Variants in KCNMA1 observed in about 807,000 individuals in gnomAD.
The protein encoded by KCNMA1 is Calcium-activated potassium channel subunit alpha-1.
KCNMA1 carries 29 observed loss-of-function variants against 140.0 expected under a neutral mutation model. That is an observed-to-expected ratio of 0.21 (90% CI 0.15 to 0.28). KCNMA1 has a LOEUF of 0.28. Ranked by LOEUF, KCNMA1 falls within the 10% of genes least tolerant of loss-of-function variation. KCNMA1 has a pLI of 1.00. For missense variants in KCNMA1, 880 were observed against 1,602.2 expected, an observed-to-expected ratio of 0.55 and a Z score of 7.70; for synonymous variants, 612 against 611.9, an observed-to-expected ratio of 1.00 and a Z score of 0.00.
chr10:77,595,277 G>A (rs2080506702), intron 1 of KCNMA1, among the ~76,000 whole-genome samples: 1 of 136,540 alleles, frequency 7.3e-6, no homozygotes, highest in African/African-American at 2.8e-5. Context: ...AACCTGGGAA[G>A]TGGAGGTTGC....
At chr10:77,555,765 A>T (rs2064152671) in intron 1 of KCNMA1, among the ~76,000 whole-genome samples, 2 of 152,122 alleles carry the variant, frequency 1.3e-5, no homozygotes, top group Admixed American at 1.3e-4. Context: ...CAGTACAGAG[A>T]CCCAAACTTA....
chr10:76,889,809 A>C (rs961948994), intron 26 of KCNMA1: 1 of 555,036 alleles, frequency 1.8e-6, no homozygotes, highest in African/African-American at 1.9e-5. Context: ...CCAGTTTTCC[A>C]CCTGTCGCAG....
rs9943320 is a variant in KCNMA1 at position 77,312,755 on chromosome 10, C to A, written c.541-61499G>T. Among the ~76,000 whole-genome samples, 413 of 152,206 alleles carry A rather than the reference C, an allele frequency of 2.7e-3. 1 individual carries two copies. Among genetic ancestry groups the A allele is most frequent in the African/African-American group, 9.4e-3 (389 of 41,518 alleles). ...CCAGTGCTAGCTTTTATGGGAGTAGCAGGGGATAGCTGAGGGCCAGGTTAG... is the reference window on the plus strand; with the variant it reads ...CCAGTGCTAGCTTTTATGGGAGTAGAAGGGGATAGCTGAGGGCCAGGTTAG... On this transcript the variant is annotated intron_variant, in intron 2 of 27. Transcript: ENST00000286628.
At position 76,887,287 on chromosome 10, in the gene KCNMA1, G is replaced by A. The variant is rs199569326; in HGVS notation, c.3690C>T (p.Tyr1230=). 9.9e-6 allele frequency: 16 copies of A among 1,614,100 alleles called. No homozygotes were observed. The highest frequency in any genetic ancestry group is 2.2e-5 in the East Asian group (1 of 44,864). The stretch of plus-strand genomic sequence containing the variant: ...CATATCAAAGCCGCTCTTCCTGCAC[G>A]TACTTCTGTTTGTCCCGGGACTCCC... ...KSRESRDKQK[Y]VQEERL The change falls in exon 28 of 28, where the codon TAC becomes TAT. Residue 1230 remains tyrosine (Y), a synonymous_variant. Coordinates refer to ENST00000286628, the MANE Select transcript of KCNMA1 (RefSeq NM_001161352.2).
At chr10:77,150,790 A>C (rs2098403789) in intron 5 of KCNMA1, among the ~76,000 whole-genome samples, 1 of 152,214 alleles carries the variant, frequency 6.6e-6, no homozygotes, top group Admixed American at 6.5e-5. Flanking sequence ...GTTTCTGGTG[A>C]TTCTAAGTAG....
At chr10:77,141,956 T>C (rs980999223) in intron 5 of KCNMA1, among the ~76,000 whole-genome samples, 4 of 152,360 alleles carry the variant, frequency 2.6e-5, no homozygotes, top group African/African-American at 4.8e-5. Flanking sequence ...TACTGGGTAT[T>C]TGCTGATTAA....
chr10:77,497,662 C>CA (rs2154544062), intron 1 of KCNMA1, among the ~76,000 whole-genome samples: 1 of 152,304 alleles, frequency 6.6e-6, no homozygotes, highest in Admixed American at 6.5e-5. Context: ...CTTAGATCAC[C>CA]AGGACAGATG....
chr10:77,403,846 G>T lies in KCNMA1; in HGVS notation c.540+16C>A, dbSNP rs762185041. ...ACAGCAAGGCCTCCTGGTGTGAGAA[G>T]TGGGTGGAGACTCACCAGGACTCTG... is the stretch of plus-strand genomic sequence containing the variant. On this transcript the variant is annotated intron_variant, in intron 2 of 27. Transcript: ENST00000286628. 15 of 1,607,112 alleles carry T rather than the reference G, an allele frequency of 9.3e-6. No individual in the cohort carries two copies. The highest frequency in any genetic ancestry group is 1.0e-5 in the Non-Finnish European group (12 of 1,175,120).
intron 25 of KCNMA1, among the ~76,000 whole-genome samples, chr10:76,891,938 A>C (rs1404580681): frequency 1.3e-5 from 2 of 151,972 alleles, no homozygotes; most frequent in African/African-American, 4.8e-5. Context: ...GACTTAAAAA[A>C]CCCAGTTCAG....
chr10:77,283,479 C>T (rs1020964416), intron 2 of KCNMA1, among the ~76,000 whole-genome samples: 1 of 152,160 alleles, frequency 6.6e-6, no homozygotes, highest in Non-Finnish European at 1.5e-5. Context: ...ATAGGGACAG[C>T]CGCATTCCCT....
chr10:77,281,861 G>A (rs1565699204), intron 2 of KCNMA1, among the ~76,000 whole-genome samples: 1 of 152,146 alleles, frequency 6.6e-6, no homozygotes, highest in Non-Finnish European at 1.5e-5. Flanking sequence ...CCTAAAAATA[G>A]GTTCACACAA....
At chr10:77,222,773 A>G (rs1490768592) in intron 3 of KCNMA1, among the ~76,000 whole-genome samples, 3 of 152,244 alleles carry the variant, frequency 2.0e-5, no homozygotes, top group Admixed American at 6.5e-5. Flanking sequence ...CCTCACTCCC[A>G]GAAAAAAGAA....
chr10:77,601,747 T>C (rs1212112646), intron 1 of KCNMA1, among the ~76,000 whole-genome samples: 2 of 152,162 alleles, frequency 1.3e-5, no homozygotes, highest in Non-Finnish European at 2.9e-5. Context: ...GGCCACTTTA[T>C]TTGTCAGTGA....
chr10:77,334,834 T>C (rs745932211), intron 2 of KCNMA1, among the ~76,000 whole-genome samples: 7 of 152,226 alleles, frequency 4.6e-5, no homozygotes, highest in Non-Finnish European at 7.3e-5. Context: ...TTTGATACTA[T>C]TTTGCATAAC....
At position 77,403,874 on chromosome 10, in the gene KCNMA1, A is replaced by G. The variant is rs1377753356; in HGVS notation, c.528T>C (p.Thr176=). Residue 176 remains threonine (T), a synonymous_variant, in exon 2 of 28, where the codon ACT becomes ACC. Transcript: ENST00000286628. ...GGTGGAGACTCACCAGGACTCTGCC[A>G]GTCAGTGTCTGGGCGGATATCATCA... ...AGVMISAQTL[T]GRVLVVLVFA... 6.2e-7 allele frequency: 1 copy of G among 1,613,618 alleles called. No individual in the cohort carries two copies. Among genetic ancestry groups the G allele is most frequent in the South Asian group, 1.1e-5 (1 of 91,054 alleles).
Position 77,114,884 on chromosome 10 carries a change from C to G in KCNMA1, c.885-2442G>C, listed in dbSNP as rs540948515. ...AATGCAGCCTACAGGGTTGCCCAACCCATTAGTTTTGGTCAGTTCATCTCT... is the reference window on the plus strand; with the variant it reads ...AATGCAGCCTACAGGGTTGCCCAACGCATTAGTTTTGGTCAGTTCATCTCT... On this transcript the variant is annotated intron_variant, in intron 6 of 27. Coordinates refer to ENST00000286628, the MANE Select transcript of KCNMA1 (RefSeq NM_001161352.2). 1.8e-4 allele frequency among the ~76,000 whole-genome samples: 27 copies of G among 152,282 alleles called. 1 individual carries two copies. Among genetic ancestry groups the G allele is most frequent in the African/African-American group, 6.5e-4 (27 of 41,560 alleles).
chr10:77,329,932 G>T (rs2085714944), intron 2 of KCNMA1, among the ~76,000 whole-genome samples: 1 of 152,164 alleles, frequency 6.6e-6, no homozygotes, highest in Non-Finnish European at 1.5e-5. Flanking sequence ...CACCCGAATA[G>T]CTTAAAAAGT....
At chr10:76,988,046 G>A (rs1194435880) in intron 19 of KCNMA1, among the ~76,000 whole-genome samples, 1 of 152,174 alleles carries the variant, frequency 6.6e-6, no homozygotes, top group Non-Finnish European at 1.5e-5. Context: ...TGGCAATGGT[G>A]AGAAAAGGTT....
rs1566843025 is a variant in KCNMA1, at chr10:77,436,986, ACACACACACAC to A, written c.379-32974_379-32964del. On this transcript the variant is annotated intron_variant, in intron 1 of 27. Coordinates refer to ENST00000286628, the MANE Select transcript of KCNMA1 (RefSeq NM_001161352.2). ...CACACACACACACACACACACACAC[ACACACACACAC>A]TCCTTCAGCCAAAATGTTCCACTTT... Among the ~76,000 whole-genome samples the A allele has an allele frequency of 3.1e-4, 46 of 148,650 alleles. No homozygotes were observed. In the East Asian group the frequency reaches 7.8e-3, roughly 25 times the overall value.
Sources: gnomAD v4.1 joint callset for allele counts (sites outside exome capture counted in the v4.1 genomes callset) on GRCh38, gnomAD v4.1.1 for gene constraint, MANE v1.5 for transcripts, NCBI Gene and HGNC (gene_info 2026-07-23, HGNC 2026-07-21) for gene names.